Variants in CHODL observed in about 807,000 individuals in gnomAD.
The protein encoded by CHODL is transmembrane protein MT75.
A neutral mutation model predicts 34.5 loss-of-function variants in CHODL; 29 were observed. The observed-to-expected ratio is 0.84, with a 90% confidence interval of 0.63 to 1.15. The LOEUF (loss-of-function observed/expected upper bound fraction) is 1.15. Among genes scored for constraint, CHODL ranks in the 50% most tolerant of loss-of-function variants. CHODL has a pLI of 0.00. For missense variants in CHODL, 332 were observed against 332.5 expected (o/e 1.00, Z 0.01); for synonymous variants, 125 against 116.1 (o/e 1.08, Z -0.49).
chr21:18,195,356 A>G (rs528026080), intron 2 of CHODL, among the ~76,000 whole-genome samples: 10 of 152,230 alleles, frequency 6.6e-5, no homozygotes, highest in African/African-American at 2.4e-4. Context: ...ACCCAGCCCA[A>G]TGCATTATTA....
chr21:18,059,358 T>C (rs572804919), intron 2 of CHODL, among the ~76,000 whole-genome samples: 2 of 152,310 alleles, frequency 1.3e-5, no homozygotes, highest in South Asian at 2.1e-4. Context: ...CAGTCTGTGG[T>C]ATTTTGTTAT....
chr21:18,166,164 T>C (rs1187690440), intron 2 of CHODL, among the ~76,000 whole-genome samples: 1 of 152,154 alleles, frequency 6.6e-6, no homozygotes, highest in African/African-American at 2.4e-5. Flanking sequence ...CTGAGGACCC[T>C]GTTCTCTTGC....
chr21:18,107,407 A>AG (rs2065286670), intron 2 of CHODL, among the ~76,000 whole-genome samples: 2 of 152,332 alleles, frequency 1.3e-5, no homozygotes, highest in South Asian at 4.1e-4. Flanking sequence ...AATGCACAGC[A>AG]GGGGGGAAAG....
chr21:18,114,757 G>A (rs959187645), intron 2 of CHODL: 3 of 152,242 alleles, frequency 2.0e-5, no homozygotes, highest in Admixed American at 1.3e-4. Flanking sequence ...TTAAACAAGT[G>A]ATTTCTTACC....
intron 1 of CHODL, chr21:18,245,915 G>T: frequency 6.5e-7 from 1 of 1,535,666 alleles, no homozygotes; most frequent in Non-Finnish European, 8.7e-7. Flanking sequence ...AGAAAATGAA[G>T]TCAGCTGGAG....
chr21:18,159,038 C>A (rs1431383468), intron 2 of CHODL, among the ~76,000 whole-genome samples: 1 of 152,068 alleles, frequency 6.6e-6, no homozygotes, highest in African/African-American at 2.4e-5. Flanking sequence ...CTCCATTAAC[C>A]AGACAGTTAA....
intron 2 of CHODL, among the ~76,000 whole-genome samples, chr21:18,174,157 A>ATATATATATATATATCTTGG (rs1555879240): frequency 1.1e-5 from 1 of 88,220 alleles, no homozygotes; most frequent in Non-Finnish European, 2.6e-5. Context: ...ATATATATAT[A>ATATATATATATATATCTTGG]TATAAAATCA....
At chr21:18,174,169 G>T (rs1372736281) in intron 2 of CHODL, among the ~76,000 whole-genome samples, 9 of 54,404 alleles carry the variant, frequency 1.7e-4, no homozygotes, top group African/African-American at 4.6e-4. Context: ...ATAAAATCAA[G>T]TCTCTCAGAG....
chr21:18,152,822 A>T (rs2146630038), intron 2 of CHODL, among the ~76,000 whole-genome samples: 1 of 152,312 alleles, frequency 6.6e-6, no homozygotes, highest in African/African-American at 2.4e-5. Context: ...CCACTATATG[A>T]ACATAGCTAG....
chr21:17,965,536 A>G (rs2063565162), intron 1 of CHODL, among the ~76,000 whole-genome samples: 2 of 151,468 alleles, frequency 1.3e-5, no homozygotes, highest in Admixed American at 6.6e-5. Flanking sequence ...CACCTCTGCC[A>G]CTCCCTGCTC....
intron 2 of CHODL, among the ~76,000 whole-genome samples, chr21:18,087,786 G>C (rs1386540750): frequency 2.0e-5 from 3 of 152,172 alleles, no homozygotes. Context: ...GTGTTTAGGA[G>C]GGCCTGTGTG....
In CHODL at chr21:17,970,536, A is replaced by G. The variant is rs148351310; in HGVS notation, c.-145+53136A>G. On this transcript the variant is annotated intron_variant, in intron 1 of 6. Transcript: ENST00000400127. ...ACCTAGACTGAGATGTATCTGCCCA[A>G]TGGCATTATTGATACTTATTAGAAG... is the stretch of plus-strand genomic sequence containing the variant. 3.7e-3 allele frequency among the ~76,000 whole-genome samples: 569 copies of G among 152,252 alleles called. 4 individuals carry two copies. The highest frequency in any genetic ancestry group is 0.013 in the African/African-American group (540 of 41,552).
At position 18,255,032 on chromosome 21, in the gene CHODL, T is replaced by C. The variant is rs181459447; in HGVS notation, c.80-1477T>C. Among the ~76,000 whole-genome samples the C allele has an allele frequency of 1.3e-3, 199 of 152,234 alleles. 1 individual carries two copies. Among genetic ancestry groups the C allele is most frequent in the African/African-American group, 4.5e-3 (187 of 41,570 alleles). ...TTCAGTATACTACAAATAATGACTT[T>C]ATTGGGTATAGTATAGACTGTACAT... On this transcript the variant is annotated intron_variant, in intron 1 of 5. Transcript: ENST00000299295.
chr21:18,159,286 T>A (rs531562662), intron 2 of CHODL, among the ~76,000 whole-genome samples: 1 of 152,188 alleles, frequency 6.6e-6, no homozygotes. Context: ...TTTCAAAGTA[T>A]GTTTAAACAC....
chr21:18,006,078 T>C (rs759282456), intron 1 of CHODL, among the ~76,000 whole-genome samples: 1 of 152,160 alleles, frequency 6.6e-6, no homozygotes, highest in Non-Finnish European at 1.5e-5. Context: ...TGGCCGTCAT[T>C]CTCTCTGCCT....
In CHODL at chr21:18,239,365, T is replaced by C. The variant is rs910766639; in HGVS notation, c.-44-17144T>C. Among the ~76,000 whole-genome samples the C allele has an allele frequency of 9.9e-5, 15 of 152,094 alleles. 1 individual carries two copies. The highest frequency in any genetic ancestry group is 7.9e-4 in the Admixed American group (12 of 15,250). The stretch of plus-strand genomic sequence containing the variant: ...GTGAGCTACTTACGCTTAGAAACGA[T>C]GTATGAAAGAGCAGCAGAGTGACAG... On this transcript the variant is annotated intron_variant, in intron 2 of 6. Coordinates refer to the CHODL transcript ENST00000400127.
At chr21:17,983,028 A>G (rs1437846558) in intron 1 of CHODL, among the ~76,000 whole-genome samples, 1 of 152,018 alleles carries the variant, frequency 6.6e-6, no homozygotes, top group Non-Finnish European at 1.5e-5. Flanking sequence ...TTCATCGCCT[A>G]CATATGTAGT....
At chr21:18,088,850 A>C (rs1211589612) in intron 2 of CHODL, among the ~76,000 whole-genome samples, 2 of 152,216 alleles carry the variant, frequency 1.3e-5, no homozygotes, top group South Asian at 2.1e-4. Context: ...GGATTTGTCA[A>C]AGTGACTAGA....
intron 2 of CHODL, among the ~76,000 whole-genome samples, chr21:18,106,582 G>A (rs1180557392): frequency 1.1e-4 from 17 of 148,578 alleles, no homozygotes; most frequent in South Asian, 4.2e-4. Context: ...TGCAAGCTCC[G>A]CCTCCTGGGT....
Sources: gnomAD v4.1 joint callset for allele counts (sites outside exome capture counted in the v4.1 genomes callset) on GRCh38, gnomAD v4.1.1 for gene constraint, MANE v1.5 for transcripts, NCBI Gene and HGNC (gene_info 2026-07-23, HGNC 2026-07-21) for gene names.